The following AOAH variants were observed in gnomAD, a reference collection of about 807,000 sequenced individuals.
The protein encoded by AOAH is acyloxyacyl hydrolase, also known as acyloxyacyl hydrolase (neutrophil).
A neutral mutation model predicts 92.2 loss-of-function variants in AOAH; 64 were observed. The observed-to-expected ratio is 0.69, with a 90% CI of 0.57 to 0.86. The LOEUF (loss-of-function observed/expected upper bound fraction) is 0.86, where lower values mean the gene tolerates loss of function less well. Among genes scored for constraint, AOAH ranks in the 40% least tolerant of loss-of-function variants. The pLI is 0.00. For synonymous variants in AOAH, 263 were observed against 254.5 expected (o/e 1.03, Z -0.32); for missense variants, 656 against 694.6 (o/e 0.94, Z 0.62).
intron 1 of AOAH, among the ~76,000 whole-genome samples, chr7:36,702,275 G>T (rs1238057162): frequency 6.6e-6 from 1 of 152,026 alleles, no homozygotes; most frequent in East Asian, 1.9e-4. Flanking sequence ...CCTTCCTATG[G>T]ATGCAAGTTA....
At chr7:36,595,989 T>A (rs1190507452) in intron 11 of AOAH, among the ~76,000 whole-genome samples, 1 of 152,268 alleles carries the variant, frequency 6.6e-6, no homozygotes, top group Non-Finnish European at 1.5e-5. Context: ...TCCTGCTTTT[T>A]TCCTCATCCA....
intron 2 of AOAH, among the ~76,000 whole-genome samples, chr7:36,675,352 T>C (rs1450641143): frequency 6.6e-6 from 1 of 152,182 alleles, no homozygotes; most frequent in Non-Finnish European, 1.5e-5. Context: ...AGGATTATAA[T>C]GGAATGTTAT....
chr7:36,628,943 C>T (rs1159372882), intron 6 of AOAH, among the ~76,000 whole-genome samples: 3 of 152,182 alleles, frequency 2.0e-5, no homozygotes, highest in African/African-American at 7.2e-5. Flanking sequence ...TCAGATTCAT[C>T]CATTACCGGA....
chr7:36,665,626 A>G (rs759698071), intron 3 of AOAH, among the ~76,000 whole-genome samples: 1 of 152,116 alleles, frequency 6.6e-6, no homozygotes, highest in Non-Finnish European at 1.5e-5. Context: ...TCCTCATACT[A>G]GTGGGAAAGC....
chr7:36,585,182 G>T (rs1693952898), intron 12 of AOAH, among the ~76,000 whole-genome samples: 1 of 152,032 alleles, frequency 6.6e-6, no homozygotes, highest in South Asian at 2.1e-4. Flanking sequence ...CAGAGAGGCT[G>T]GGGGATGATC....
chr7:36,689,170 G>A (rs1037481454), intron 1 of AOAH, among the ~76,000 whole-genome samples: 1 of 152,030 alleles, frequency 6.6e-6, no homozygotes, highest in African/African-American at 2.4e-5. Context: ...TCCACTTGTG[G>A]ACATGGCTCC....
At position 36,686,749 on chromosome 7, in the gene AOAH, T is replaced by C. The variant is rs1797036363; in HGVS notation, c.173A>G (p.His58Arg). 1 of 1,581,460 alleles carries C rather than the reference T, an allele frequency of 6.3e-7. No individual in the cohort carries two copies. The highest frequency in any genetic ancestry group is 1.4e-5 in the African/African-American group (1 of 73,244). Residue 58 changes from histidine (H) to arginine (R), a missense_variant, in exon 2 of 21, where the codon CAC becomes CGC. Coordinates refer to ENST00000617537, the MANE Select transcript of AOAH (RefSeq NM_001637.4). ...VSVIEQLAQVHNSTVQASMER... is the reference protein window; with the variant it reads ...VSVIEQLAQVRNSTVQASMER... ...CATCGAGGCCTGGACCGTCGAGTTG[T>C]GAACTTGAGCAAGCTGTTCTATTAC...
rs545434361 is a variant in AOAH at position 36,695,446 on chromosome 7, G to GT, written c.128-8653dup. On this transcript the variant is annotated intron_variant, in intron 1 of 20. Transcript: ENST00000617537. ...TTGTGTTTCAGGATGTCTGCTAGGC[G>GT]TTTTTTACAAATTCTATCTCATTTA... 2.2e-4 allele frequency among the ~76,000 whole-genome samples: 33 copies of GT among 152,176 alleles called. 1 individual carries two copies. In the South Asian group the frequency reaches 6.0e-3, roughly 28 times the overall value.
intron 16 of AOAH, among the ~76,000 whole-genome samples, chr7:36,536,949 CAAAAAAAAAAAAAA>C (rs11441171): frequency 6.3e-5 from 3 of 47,460 alleles, no homozygotes; most frequent in African/African-American, 2.9e-4. Flanking sequence ...GACTTCATCT[CAAAAAAAAAAAAAA>C]AAAAAAAAAA....
intron 20 of AOAH, chr7:36,514,623 C>T: frequency 6.9e-7 from 1 of 1,439,270 alleles, no homozygotes. Flanking sequence ...GCAAATGGGA[C>T]CTGGCCAGGC....
chr7:36,656,165 C>G (rs1438284097), intron 4 of AOAH, among the ~76,000 whole-genome samples: 1 of 152,102 alleles, frequency 6.6e-6, no homozygotes, highest in Non-Finnish European at 1.5e-5. Flanking sequence ...CTCACTGGGA[C>G]AGTAGTGCAG....
chr7:36,576,356 C>T (rs1000126614), intron 13 of AOAH, among the ~76,000 whole-genome samples: 3 of 152,188 alleles, frequency 2.0e-5, no homozygotes, highest in Non-Finnish European at 4.4e-5. Context: ...CTCTCTTGGT[C>T]AACCCCTTGA....
chr7:36,695,374 A>G (rs1236519617), intron 1 of AOAH, among the ~76,000 whole-genome samples: 1 of 152,182 alleles, frequency 6.6e-6, no homozygotes, highest in East Asian at 1.9e-4. Context: ...TTCTACCTTA[A>G]TACTTTTTGG....
At chr7:36,708,882 C>G (rs1289045069) in intron 1 of AOAH, among the ~76,000 whole-genome samples, 2 of 152,082 alleles carry the variant, frequency 1.3e-5, no homozygotes, top group Admixed American at 1.3e-4. Context: ...TGTGGTAACC[C>G]TACAATGGCC....
intron 13 of AOAH, among the ~76,000 whole-genome samples, chr7:36,558,182 T>C (rs1444160550): frequency 2.6e-5 from 4 of 152,140 alleles, no homozygotes; most frequent in African/African-American, 9.7e-5. Flanking sequence ...GTCCTTTCTG[T>C]TTGTTAGTTT....
At chr7:36,648,300 TA>T (rs1254721017) in intron 4 of AOAH, among the ~76,000 whole-genome samples, 1 of 152,272 alleles carries the variant, frequency 6.6e-6, no homozygotes, top group South Asian at 2.1e-4. Context: ...AGGAGGTGGA[TA>T]AAATCTCATT....
chr7:36,701,455 T>A (rs1251888709), intron 1 of AOAH, among the ~76,000 whole-genome samples: 1 of 150,602 alleles, frequency 6.6e-6, no homozygotes, highest in East Asian at 1.9e-4. Flanking sequence ...ATTAAGTTCA[T>A]ATACATAATT....
rs562108210 is a variant in AOAH, at chr7:36,594,438, A to G, written c.847-8T>C. 3.3e-5 allele frequency: 53 copies of G among 1,608,644 alleles called. 1 individual carries two copies. The South Asian group carries it at 5.3e-4, about 16-fold the overall frequency. ...TAGATTGATGAAAGAGTTCTAAGGAAAACAATAAAGTAGCAATTATCAAAA... is the reference window on the plus strand; with the variant it reads ...TAGATTGATGAAAGAGTTCTAAGGAGAACAATAAAGTAGCAATTATCAAAA... On this transcript the variant is annotated splice_polypyrimidine_tract_variant and splice_region_variant and intron_variant, in intron 11 of 20. Transcript: ENST00000617537.
intron 12 of AOAH, among the ~76,000 whole-genome samples, chr7:36,582,805 G>C (rs1328222994): frequency 6.6e-6 from 1 of 151,960 alleles, no homozygotes; most frequent in African/African-American, 2.4e-5. Context: ...TATGATTCAA[G>C]CAAGAGTGAT....
Sources: allele counts gnomAD v4.1 joint callset (sites outside exome capture counted in the v4.1 genomes callset), GRCh38; gene constraint gnomAD v4.1.1; transcripts MANE v1.5; gene names NCBI Gene and HGNC (gene_info 2026-07-23, HGNC 2026-07-21).